The following CLSTN3 variants were observed in gnomAD, a reference collection of about 807,000 sequenced individuals.
CLSTN3 encodes the protein calsyntenin 3.
CLSTN3 carries 36 observed loss-of-function variants against 95.9 expected under a neutral mutation model. The observed-to-expected ratio is 0.38, with a 90% CI of 0.29 to 0.50. The LOEUF (loss-of-function observed/expected upper bound fraction) is 0.50, where lower values mean the gene tolerates loss of function less well. Ranked by LOEUF, CLSTN3 falls within the 20% of genes least tolerant of loss-of-function variation. CLSTN3 has a pLI of 0.95. For missense variants in CLSTN3, 1,084 were observed against 1,268.8 expected, an observed-to-expected ratio of 0.85 and a Z score of 2.21; for synonymous variants, 481 against 504.0, an observed-to-expected ratio of 0.95 and a Z score of 0.61.
chr12:7,135,604 A>T (rs1040564675), intron 4 of CLSTN3, 69 bp downstream of exon 4: 4 of 1,527,300 alleles, frequency 2.6e-6, no homozygotes, highest in Non-Finnish European at 3.6e-6. Context: ...AGGACAACCC[A>T]GGGTTGCATT....
chr12:7,150,740 C>G lies in CLSTN3; in HGVS notation c.2391+51C>G, dbSNP rs747674601. ...ACAGTTACCCACCCCCAGAAAGGAG[C>G]TGAGGTGGCATGGACTCAAAATGTT... is the stretch of plus-strand genomic sequence containing the variant. On this transcript the variant is annotated intron_variant, in intron 15 of 17. Coordinates refer to ENST00000266546, the MANE Select transcript of CLSTN3 (RefSeq NM_014718.4). The surrounding 1 kb of genome is among the most constrained non-coding windows in gnomAD (Gnocchi z 4.0). The G allele has an allele frequency of 1.3e-5, 21 of 1,597,766 alleles. No individual in the cohort carries two copies. Among genetic ancestry groups the G allele is most frequent in the Middle Eastern group, 1.7e-4 (1 of 6,026 alleles).
chr12:7,134,618 A>G (rs1326230156), intron 3 of CLSTN3, among the ~76,000 whole-genome samples: 3 of 152,238 alleles, frequency 2.0e-5, no homozygotes, highest in Non-Finnish European at 4.4e-5. Flanking sequence ...CACTGCCCAC[A>G]CGTACTGTGC....
At chr12:7,142,676 C>A (rs578262573) in intron 10 of CLSTN3, among the ~76,000 whole-genome samples, 193 bp from the exon 11 acceptor site, 3 of 151,020 alleles carry the variant, frequency 2.0e-5, no homozygotes, top group Non-Finnish European at 4.4e-5. Context: ...TAGCCTCCCC[C>A]CTTACCTTCA....
chr12:7,131,105 G>C, intron 1 of CLSTN3: 1 of 360,552 alleles, frequency 2.8e-6, no homozygotes, highest in South Asian at 2.7e-5. Flanking sequence ...CATGCTAAGG[G>C]TGTGTGGCAG....
intron 16 of CLSTN3, chr12:7,156,112 T>A: frequency 2.8e-6 from 1 of 360,750 alleles, no homozygotes; most frequent in Non-Finnish European, 5.5e-6. Flanking sequence ...TCTCTGTGTG[T>A]GTTTGGGGCA....
intron 8 of CLSTN3, among the ~76,000 whole-genome samples, chr12:7,139,430 A>G (rs985473219): frequency 2.6e-5 from 4 of 152,160 alleles, no homozygotes; most frequent in African/African-American, 7.2e-5. Context: ...GAAAGAGCTC[A>G]GCATGTTCCA....
In CLSTN3 at chr12:7,133,134, C is replaced by T. The variant is rs1939337977; in HGVS notation, c.175C>T (p.Leu59=). 1.2e-6 allele frequency: 2 copies of T among 1,607,112 alleles called. No individual in the cohort carries two copies. Among genetic ancestry groups the T allele is most frequent in the African/African-American group, 1.3e-5 (1 of 74,710 alleles). Residue 59 remains leucine, a synonymous_variant, in exon 2 of 18, where the codon CTG becomes TTG. Coordinates refer to ENST00000266546, the MANE Select transcript of CLSTN3 (RefSeq NM_014718.4). The surrounding 1 kb of genome is among the most constrained non-coding windows in gnomAD (Gnocchi z 4.7). ...CTTTGCCTTGGACAAGGATGCCCCGCTGCGCTATGCAGGTAATTGGGATTG... is the reference window on the plus strand; with the variant it reads ...CTTTGCCTTGGACAAGGATGCCCCGTTGCGCTATGCAGGTAATTGGGATTG... ...PLFALDKDAP[L]RYAGEICGFR... is the part of the protein sequence containing the mutation.
intron 1 of CLSTN3, chr12:7,131,853 C>T (rs1215725681): frequency 2.2e-6 from 1 of 456,318 alleles, no homozygotes; most frequent in Non-Finnish European, 4.4e-6. Context: ...GAAAGCCTTC[C>T]CATGCCAAAG....
chr12:7,145,546 G>A (rs188388381), intron 12 of CLSTN3, among the ~76,000 whole-genome samples: 1 of 151,734 alleles, frequency 6.6e-6, no homozygotes, highest in East Asian at 1.9e-4. Flanking sequence ...ATGCCTAAAT[G>A]CAAGTTTTCC....
chr12:7,139,416 G>A (rs922787167), intron 8 of CLSTN3, among the ~76,000 whole-genome samples: 1 of 152,080 alleles, frequency 6.6e-6, no homozygotes, highest in Admixed American at 6.5e-5. Flanking sequence ...AGGCCCTGAG[G>A]CAAGAAAGAG....
Position 7,137,203 on chromosome 12 carries a change from T to C in CLSTN3, c.1210+93T>C. The C allele has an allele frequency of 7.8e-7, 1 of 1,284,724 alleles. No individual in the cohort carries two copies. Among genetic ancestry groups the C allele is most frequent in the Non-Finnish European group, 1.1e-6 (1 of 940,144 alleles). 79.6% of individuals were successfully genotyped at this position (1,284,724 alleles called of 1,614,324 possible). On this transcript the variant is annotated intron_variant, in intron 7 of 17. Coordinates refer to ENST00000266546, the MANE Select transcript of CLSTN3 (RefSeq NM_014718.4). The surrounding 1 kb of genome is among the most constrained non-coding windows in gnomAD (Gnocchi z 4.4). ...CAGTGTGTGACTGTGAACAGGTCAC[T>C]TCCCCTCTCTTCATTTGTGAGGTGC...
rs1178554725 is a variant in CLSTN3, at chr12:7,158,133, C to T, written c.*52C>T. ...GGGAATTCTGCCCTGGTGAAACAGA[C>T]ACTCCAGACATGGGAGAAGGACTTT... On this transcript the variant is annotated 3_prime_UTR_variant, in exon 18 of 18. Transcript: ENST00000266546. 2 of 1,455,510 alleles carry T rather than the reference C, an allele frequency of 1.4e-6. No individual in the cohort carries two copies. The highest frequency in any genetic ancestry group is 1.4e-5 in the African/African-American group (1 of 70,228). The allele number at this position is 1,455,510 out of a possible 1,614,324, so 90.2% of individuals were successfully genotyped here. A position where few individuals can be genotyped will look rare whatever the true frequency, so the allele number is the denominator to read the frequency against.
At chr12:7,129,816 C>A, upstream of CLSTN3, 1 of 985,710 alleles carries the variant, frequency 1.0e-6, no homozygotes, top group Non-Finnish European at 1.2e-6. The surrounding 1 kb of genome is among the most constrained non-coding windows in gnomAD (Gnocchi z 5.5). Flanking sequence ...AGGAGGCGGC[C>A]GGTCCCGACA....
chr12:7,158,267 C>T lies in CLSTN3; in HGVS notation c.*186C>T. Reference sequence around the variant, plus strand: ...CCGCCCTGCCCCTCCCCCGGCCCCCCATCCCTCACTTCTGGGCTGTCATGC... The same window carrying T: ...CCGCCCTGCCCCTCCCCCGGCCCCCTATCCCTCACTTCTGGGCTGTCATGC... On this transcript the variant is annotated 3_prime_UTR_variant, in exon 18 of 18. Coordinates refer to ENST00000266546, the MANE Select transcript of CLSTN3 (RefSeq NM_014718.4). 2 of 639,112 alleles carry T rather than the reference C, an allele frequency of 3.1e-6. No homozygotes were observed. Among genetic ancestry groups the T allele is most frequent in the South Asian group, 2.4e-5 (1 of 42,328 alleles). 39.6% of individuals were successfully genotyped at this position (639,112 alleles called of 1,614,324 possible).
chr12:7,151,130 C>A (rs900184716), intron 16 of CLSTN3, 67 bp downstream of exon 16: 1 of 1,452,182 alleles, frequency 6.9e-7, no homozygotes, highest in East Asian at 2.5e-5. Flanking sequence ...GGACAGGTAT[C>A]CTCCCCCTCC....
chr12:7,135,523 A>G lies in CLSTN3; in HGVS notation c.580A>G (p.Ile194Val). ...TCTCACACCCAACACCCCTTTCCTC[A>G]TTGACAATGACGGTGAGTCCACCCC... ...EILTPNTPFL[I>V]DNDGNIENTE... Residue 194 changes from isoleucine (I) to valine (V), a missense_variant, in exon 4 of 18, where the codon ATT becomes GTT. Physicochemically the swap from Ile to Val is conservative, Grantham distance 29 (BLOSUM62 3). Coordinates refer to ENST00000266546, the MANE Select transcript of CLSTN3 (RefSeq NM_014718.4). The G allele has an allele frequency of 1.2e-6, 2 of 1,613,916 alleles. No individual in the cohort carries two copies. Among genetic ancestry groups the G allele is most frequent in the Non-Finnish European group, 1.7e-6 (2 of 1,179,944 alleles).
Position 7,133,133 on chromosome 12 carries a change from G to C in CLSTN3, c.174G>C (p.Pro58=). 1 of 1,614,108 alleles carries C rather than the reference G, an allele frequency of 6.2e-7. No individual in the cohort carries two copies. Among genetic ancestry groups the C allele is most frequent in the Non-Finnish European group, 8.5e-7 (1 of 1,180,012 alleles). ...TCTTTGCCTTGGACAAGGATGCCCC[G>C]CTGCGCTATGCAGGTAATTGGGATT... is the stretch of plus-strand genomic sequence containing the variant. ...PPLFALDKDA[P]LRYAGEICGF... Residue 58 remains proline, a synonymous_variant, in exon 2 of 18, where the codon CCG becomes CCC. Coordinates refer to ENST00000266546, the MANE Select transcript of CLSTN3 (RefSeq NM_014718.4). The surrounding 1 kb of genome is among the most constrained non-coding windows in gnomAD (Gnocchi z 4.7).
At chr12:7,146,411 A>G (rs1020258979) in intron 12 of CLSTN3, among the ~76,000 whole-genome samples, 2 of 151,664 alleles carry the variant, frequency 1.3e-5, no homozygotes, top group African/African-American at 4.9e-5. Context: ...AAAAAATTAG[A>G]GAGAGAGAAA....
At chr12:7,131,709 T>G (rs1464113896) in intron 1 of CLSTN3, 4 of 451,580 alleles carry the variant, frequency 8.9e-6, no homozygotes, top group Non-Finnish European at 1.8e-5. Context: ...CTTCCACCGC[T>G]CTCTCTTCCT....
Sources: allele counts gnomAD v4.1 joint callset (sites outside exome capture counted in the v4.1 genomes callset), GRCh38; gene constraint gnomAD v4.1.1; non-coding constraint Gnocchi (gnomAD v3.1); transcripts MANE v1.5; gene names NCBI Gene and HGNC (gene_info 2026-07-23, HGNC 2026-07-21).